Variants in ZNF536 observed in about 807,000 individuals in gnomAD.
ZNF536 encodes zinc finger protein 536.
A neutral mutation model predicts 84.5 loss-of-function variants in ZNF536; 13 were observed. That is an observed-to-expected ratio of 0.15 (90% CI 0.10 to 0.24). The LOEUF (loss-of-function observed/expected upper bound fraction) is 0.24, where lower values mean the gene tolerates loss of function less well. Among genes scored for constraint, ZNF536 ranks in the 10% least tolerant of loss-of-function variants. ZNF536 has a pLI of 1.00. For missense variants in ZNF536, 1,536 were observed against 1,747.5 expected, an observed-to-expected ratio of 0.88 and a Z score of 2.16; for synonymous variants, 811 against 742.5, an observed-to-expected ratio of 1.09 and a Z score of -1.50.
downstream of ZNF536, among the ~76,000 whole-genome samples, chr19:30,560,672 C>T (rs1376901806): frequency 2.0e-5 from 3 of 152,184 alleles, no homozygotes; most frequent in African/African-American, 7.2e-5. Context: ...GAGTGCCTTG[C>T]AGTAAGAGAG....
intron 1 of ZNF536, among the ~76,000 whole-genome samples, chr19:30,613,686 C>T (rs1225798190): frequency 2.6e-5 from 4 of 152,132 alleles, no homozygotes; most frequent in Admixed American, 2.0e-4. Context: ...CCAAAAGGTA[C>T]ACTTGTATAA....
chr19:30,664,643 C>T (rs571019203), intron 1 of ZNF536, among the ~76,000 whole-genome samples: 6 of 151,878 alleles, frequency 4.0e-5, no homozygotes, highest in East Asian at 3.9e-4. Context: ...GTCCCTGGCA[C>T]GTAGTACCAT....
intron 1 of ZNF536, among the ~76,000 whole-genome samples, chr19:30,431,170 ATGGGCCACC>A (rs1393795205): frequency 6.6e-6 from 1 of 152,136 alleles, no homozygotes; most frequent in Non-Finnish European, 1.5e-5. Context: ...GTTCCATGAG[ATGGGCCACC>A]TGCAGCCAGC....
intron 1 of ZNF536, among the ~76,000 whole-genome samples, chr19:30,254,283 A>G (rs1348947143): frequency 6.6e-6 from 1 of 152,176 alleles, no homozygotes; most frequent in Non-Finnish European, 1.5e-5. Flanking sequence ...TGAAGTTTTT[A>G]TAATCCATCT....
At chr19:30,385,366 C>T (rs1452408320) in intron 1 of ZNF536, among the ~76,000 whole-genome samples, 2 of 152,104 alleles carry the variant, frequency 1.3e-5, no homozygotes, top group Non-Finnish European at 2.9e-5. Flanking sequence ...CCTGGGTGCC[C>T]TGGGAAGCAG....
chr19:30,368,078 C>T (rs2048494944), upstream of ZNF536, among the ~76,000 whole-genome samples: 2 of 152,128 alleles, frequency 1.3e-5, no homozygotes, highest in Non-Finnish European at 2.9e-5. Context: ...AGCCTCTGTC[C>T]CTCCCTCCTA....
downstream of ZNF536, among the ~76,000 whole-genome samples, chr19:30,562,105 G>T (rs538985329): frequency 6.6e-6 from 1 of 152,182 alleles, no homozygotes; most frequent in African/African-American, 2.4e-5. Context: ...GATAACTCAC[G>T]TGTCCTCTTT....
At chr19:30,569,504 G>A (rs190666195) in intron 1 of ZNF536, among the ~76,000 whole-genome samples, 53 of 148,400 alleles carry the variant, frequency 3.6e-4, no homozygotes, top group African/African-American at 1.3e-3. Flanking sequence ...TGGGTTAGGT[G>A]AGGAAGCCAA....
chr19:30,518,229 G>C (rs2044170603), intron 2 of ZNF536, among the ~76,000 whole-genome samples: 1 of 152,220 alleles, frequency 6.6e-6, no homozygotes, highest in Non-Finnish European at 1.5e-5. Context: ...CAACCTGGCA[G>C]CCCTGGGCAG....
rs145601040 is a variant in ZNF536, at chr19:30,636,667, G to A, written c.170-74090G>A. Among the ~76,000 whole-genome samples the A allele has an allele frequency of 4.6e-5, 7 of 152,250 alleles. No individual in the cohort carries two copies. In the South Asian group the frequency reaches 8.3e-4, roughly 18 times the overall value. ...ATATTTTTGGACACTCTGGAATAAC[G>A]CAGGGTCTTTATGTGCCTTTGAGTC... On this transcript the variant is annotated intron_variant, in intron 1 of 1. Transcript: ENST00000592773.
intron 1 of ZNF536, among the ~76,000 whole-genome samples, chr19:30,387,677 T>A (rs1374709486): frequency 6.6e-6 from 1 of 152,202 alleles, no homozygotes; most frequent in African/African-American, 2.4e-5. Flanking sequence ...AATCCCTGTT[T>A]GCAGAGAGGC....
At chr19:30,521,471 T>A (rs146769755) in intron 2 of ZNF536, among the ~76,000 whole-genome samples, 1 of 152,182 alleles carries the variant, frequency 6.6e-6, no homozygotes, top group Non-Finnish European at 1.5e-5. Context: ...GAAGTTCCCA[T>A]TGAGAATTTG....
intron 1 of ZNF536, among the ~76,000 whole-genome samples, chr19:30,676,908 G>A (rs1368700122): frequency 6.6e-6 from 1 of 152,128 alleles, no homozygotes; most frequent in Non-Finnish European, 1.5e-5. Flanking sequence ...GTCTTGCTAT[G>A]TTGCCCAGCC....
intron 1 of ZNF536, among the ~76,000 whole-genome samples, chr19:30,578,374 A>C (rs2146636614): frequency 6.6e-6 from 1 of 152,360 alleles, no homozygotes; most frequent in East Asian, 1.9e-4. Flanking sequence ...GGGATGGGCC[A>C]CAGTAGGGAC....
At chr19:30,267,930 G>T (rs781512161) in intron 1 of ZNF536, among the ~76,000 whole-genome samples, 1 of 151,790 alleles carries the variant, frequency 6.6e-6, no homozygotes, top group African/African-American at 2.4e-5. Flanking sequence ...GATCTGCAAC[G>T]GAATACAGCT....
At chr19:30,352,760 A>G (rs1171306504) in intron 3 of ZNF536, among the ~76,000 whole-genome samples, 1 of 152,106 alleles carries the variant, frequency 6.6e-6, no homozygotes, top group Non-Finnish European at 1.5e-5. Context: ...AAGAGGCACA[A>G]AGAGATCGTG....
chr19:30,232,951 G>T (rs527988218), intron 1 of ZNF536, among the ~76,000 whole-genome samples: 2 of 152,160 alleles, frequency 1.3e-5, no homozygotes, highest in African/African-American at 2.4e-5. Context: ...CACTTTATGC[G>T]CTGGGCCTTG....
At chr19:30,362,865 C>G (rs1352329596) in intron 3 of ZNF536, among the ~76,000 whole-genome samples, 2 of 152,090 alleles carry the variant, frequency 1.3e-5, no homozygotes, top group Non-Finnish European at 2.9e-5. Context: ...TTGAGACCAG[C>G]CTGGCCAATA....
At chr19:30,619,280 C>T (rs1410606597) in intron 1 of ZNF536, among the ~76,000 whole-genome samples, 1 of 152,030 alleles carries the variant, frequency 6.6e-6, no homozygotes, top group Non-Finnish European at 1.5e-5. Flanking sequence ...GCAATGCCTT[C>T]TCCTATGAAC....
Sources: gnomAD v4.1 joint callset for allele counts (sites outside exome capture counted in the v4.1 genomes callset) on GRCh38, gnomAD v4.1.1 for gene constraint, MANE v1.5 for transcripts, NCBI Gene and HGNC (gene_info 2026-07-23, HGNC 2026-07-21) for gene names.